EML6: variants seen among roughly 807,000 people sequenced by gnomAD.
EML6 encodes the protein EMAP like 6.
EML6 carries 154 observed loss-of-function variants against 240.1 expected under a neutral mutation model. The observed-to-expected ratio is 0.64, with a 90% CI of 0.56 to 0.73. The LOEUF (loss-of-function observed/expected upper bound fraction) is 0.73, where lower values mean the gene tolerates loss of function less well. Among genes scored for constraint, EML6 ranks in the 30% least tolerant of loss-of-function variants. The pLI is 0.00. For missense variants in EML6, 2,964 were observed against 2,474.6 expected (o/e 1.20, Z -4.20); for synonymous variants, 1,148 against 899.0 (o/e 1.28, Z -4.95).
At chr2:54,834,036 C>G (rs919071184) in intron 7 of EML6, among the ~76,000 whole-genome samples, 5 of 152,166 alleles carry the variant, frequency 3.3e-5, no homozygotes, top group Non-Finnish European at 7.4e-5. Flanking sequence ...CAAAATGCAT[C>G]TGGCACCAAA....
At chr2:54,933,741 GAAAA>G (rs543399763) in intron 28 of EML6, among the ~76,000 whole-genome samples, 1 of 149,674 alleles carries the variant, frequency 6.7e-6, no homozygotes, top group Non-Finnish European at 1.5e-5. Flanking sequence ...CAAAAAGAAA[GAAAA>G]AAAAACCCAC....
rs1277126830 is a variant in EML6 at position 54,971,836 on chromosome 2, T to C, written c.*1741T>C. The C allele has an allele frequency of 6.6e-6, 1 of 152,234 alleles. No individual in the cohort carries two copies. The highest frequency in any genetic ancestry group is 1.5e-5 in the Non-Finnish European group (1 of 68,034). The allele number at this position is 152,234 out of a possible 1,614,324, so 9.4% of individuals were successfully genotyped here. ...TACAACCATATTTAAAGAGCAATAG[T>C]GTCCGTGTGTCATGAAAAACTTATT... On this transcript the variant is annotated 3_prime_UTR_variant, in exon 42 of 42. Transcript: ENST00000356458.
chr2:54,842,974 A>T (rs1669542723), intron 7 of EML6, among the ~76,000 whole-genome samples: 1 of 152,212 alleles, frequency 6.6e-6, no homozygotes, highest in Admixed American at 6.5e-5. Flanking sequence ...GACATGGTGC[A>T]TCTGTTTATT....
chr2:54,860,866 C>T (rs1014546903), intron 12 of EML6, among the ~76,000 whole-genome samples: 1 of 152,182 alleles, frequency 6.6e-6, no homozygotes, highest in African/African-American at 2.4e-5. Context: ...ACTTTTACAG[C>T]TACCTCCCAG....
intron 16 of EML6, among the ~76,000 whole-genome samples, chr2:54,879,140 G>A (rs1671682836): frequency 6.6e-6 from 1 of 152,194 alleles, no homozygotes; most frequent in African/African-American, 2.4e-5. Flanking sequence ...GGTACCTCAA[G>A]TTAAATGTCA....
At chr2:54,901,246 CTG>C (rs1558666492) in intron 22 of EML6, among the ~76,000 whole-genome samples, 2 of 152,210 alleles carry the variant, frequency 1.3e-5, no homozygotes, top group South Asian at 2.1e-4. Context: ...TGCAGTGTGA[CTG>C]TGAGAACACA....
chr2:54,962,554 AAAT>A lies in EML6; in HGVS notation c.5004_5006del (p.Ile1669del). 1 of 1,548,564 alleles carries A rather than the reference AAAT, an allele frequency of 6.5e-7. No individual in the cohort carries two copies. The highest frequency in any genetic ancestry group is 8.7e-7 in the Non-Finnish European group (1 of 1,145,626). ...ATCTTAGTGGGAACCAAAGACGGAG[AAAT>A]AATTGAAGTTGGTGAAAAAAATGCT... On this transcript the variant is annotated inframe_deletion, in exon 36 of 42. Coordinates refer to ENST00000356458, the MANE Select transcript of EML6 (RefSeq NM_001039753.4).
chr2:54,741,283 C>T (rs181319546), intron 2 of EML6, among the ~76,000 whole-genome samples: 1 of 152,260 alleles, frequency 6.6e-6, no homozygotes, highest in East Asian at 1.9e-4. Flanking sequence ...GGTTACTCCC[C>T]TAGCCCATCC....
chr2:54,931,144 A>G (rs1674838595), intron 28 of EML6, among the ~76,000 whole-genome samples: 1 of 151,834 alleles, frequency 6.6e-6, no homozygotes, highest in African/African-American at 2.4e-5. Flanking sequence ...TTTTTAGTAG[A>G]GACGGGGTTT....
At chr2:54,962,410 C>T (rs186935217) in intron 35 of EML6, 113 bp from the exon 36 acceptor site, 39 of 819,556 alleles carry the variant, frequency 4.8e-5, no homozygotes, top group African/African-American at 1.4e-4. Context: ...CCCCATTCAC[C>T]GGCAGTCATC....
In EML6 at chr2:54,833,463, T is replaced by C. The variant is rs184761940; in HGVS notation, c.847+3986T>C. ...TAATAAAGTGACATTATTAATTCTT[T>C]TACATCTTTGTAGTAGCTTGAGCTA... On this transcript the variant is annotated intron_variant, in intron 7 of 41. Coordinates refer to ENST00000356458, the MANE Select transcript of EML6 (RefSeq NM_001039753.4). Among the ~76,000 whole-genome samples the C allele has an allele frequency of 7.9e-5, 12 of 152,356 alleles. No homozygotes were observed. In the East Asian group the frequency reaches 2.1e-3, roughly 27 times the overall value.
At chr2:54,900,579 G>C (rs1673003113) in intron 22 of EML6, among the ~76,000 whole-genome samples, 1 of 152,200 alleles carries the variant, frequency 6.6e-6, no homozygotes, top group Non-Finnish European at 1.5e-5. Flanking sequence ...CAGCCTGAGA[G>C]AAGCCACGAC....
chr2:54,896,440 G>T (rs557499387), intron 21 of EML6, among the ~76,000 whole-genome samples: 6 of 152,252 alleles, frequency 3.9e-5, no homozygotes, highest in African/African-American at 1.4e-4. Context: ...TAAAATAAAT[G>T]TAACAGAACC....
At chr2:54,773,712 G>A (rs1379387223) in intron 2 of EML6, among the ~76,000 whole-genome samples, 2 of 152,150 alleles carry the variant, frequency 1.3e-5, no homozygotes, top group Non-Finnish European at 2.9e-5. Flanking sequence ...TTTACAACTG[G>A]GAACTTCTTT....
At chr2:54,938,078 G>A (rs980558810) in intron 28 of EML6, among the ~76,000 whole-genome samples, 26 of 152,236 alleles carry the variant, frequency 1.7e-4, no homozygotes, top group African/African-American at 3.6e-4. Flanking sequence ...AGGTGCTGTG[G>A]CTCACGCCTG....
chr2:54,808,011 G>C (rs1670587521), intron 2 of EML6, among the ~76,000 whole-genome samples: 1 of 152,186 alleles, frequency 6.6e-6, no homozygotes, highest in Non-Finnish European at 1.5e-5. Context: ...CACTCATCAA[G>C]CTTGTTAAAG....
At chr2:54,802,225 C>T (rs1670190270) in intron 2 of EML6, among the ~76,000 whole-genome samples, 1 of 152,026 alleles carries the variant, frequency 6.6e-6, no homozygotes, top group Non-Finnish European at 1.5e-5. Context: ...GAAAGAATGC[C>T]CCCGATACAA....
At chr2:54,755,752 C>T (rs1027532864) in intron 2 of EML6, among the ~76,000 whole-genome samples, 2 of 152,060 alleles carry the variant, frequency 1.3e-5, no homozygotes, top group African/African-American at 2.4e-5. Context: ...CCTCCACCTC[C>T]CAGGCTCAAG....
chr2:54,890,228 C>A (rs935459523), intron 17 of EML6, among the ~76,000 whole-genome samples: 1 of 152,044 alleles, frequency 6.6e-6, no homozygotes, highest in African/African-American at 2.4e-5. Context: ...TGTGTTTGGT[C>A]CTAATGTATT....
Sources: allele counts gnomAD v4.1 joint callset (sites outside exome capture counted in the v4.1 genomes callset), GRCh38; gene constraint gnomAD v4.1.1; transcripts MANE v1.5; gene names NCBI Gene and HGNC (gene_info 2026-07-23, HGNC 2026-07-21).